SEMA6D: variants seen among roughly 807,000 people sequenced by gnomAD.
SEMA6D encodes the protein semaphorin-6D.
In SEMA6D, 35 loss-of-function variants were observed where a neutral mutation model predicts 106.6. The ratio of observed to expected loss-of-function variants is 0.33; its 90% confidence interval spans 0.25 to 0.44. SEMA6D has a LOEUF of 0.44. Ranked by LOEUF, SEMA6D falls within the 20% of genes least tolerant of loss-of-function variation. The probability of loss-of-function intolerance (pLI) is 1.00; values close to 1 mark genes in which losing one functional copy is unlikely to be tolerated. For missense variants in SEMA6D, 1,185 were observed against 1,345.9 expected, an observed-to-expected ratio of 0.88 and a Z score of 1.87; for synonymous variants, 499 against 487.7, an observed-to-expected ratio of 1.02 and a Z score of -0.31.
intron 1 of SEMA6D, among the ~76,000 whole-genome samples, chr15:47,348,727 C>CCACACACAGAG (rs1555425939): frequency 3.5e-5 from 2 of 57,118 alleles, no homozygotes; most frequent in African/African-American, 4.9e-5. Context: ...ACCACACACA[C>CCACACACAGAG]AGAGAGAGAG....
chr15:47,553,813 TA>T (rs2045837331), intron 3 of SEMA6D, among the ~76,000 whole-genome samples: 1 of 152,178 alleles, frequency 6.6e-6, no homozygotes, highest in African/African-American at 2.4e-5. Context: ...AGCTCTGCTA[TA>T]AAAAGTGGGT....
intron 1 of SEMA6D, among the ~76,000 whole-genome samples, chr15:47,344,508 A>G (rs1188291731): frequency 1.3e-5 from 2 of 152,174 alleles, no homozygotes; most frequent in African/African-American, 4.8e-5. Flanking sequence ...GCCACTATGC[A>G]GGGAGGGAGA....
exon 3 of SEMA6D, chr15:47,470,537 C>G (rs1014482832): frequency 1.3e-5 from 2 of 152,042 alleles, no homozygotes; most frequent in African/African-American, 4.8e-5. Flanking sequence ...AAGCCCAAGA[C>G]TGCTGGAGGT....
At chr15:47,340,485 T>C (rs2144459585) in intron 1 of SEMA6D, among the ~76,000 whole-genome samples, 1 of 152,346 alleles carries the variant, frequency 6.6e-6, no homozygotes, top group Non-Finnish European at 1.5e-5. Context: ...CTACAGTCTG[T>C]TTCCCTTTTC....
At chr15:47,382,521 A>G (rs1481399870) in intron 1 of SEMA6D, among the ~76,000 whole-genome samples, 2 of 152,204 alleles carry the variant, frequency 1.3e-5, no homozygotes, top group African/African-American at 2.4e-5. Flanking sequence ...AGAAAAAAAA[A>G]GGGACCACAA....
chr15:47,259,628 A>G (rs1224875313), intron 1 of SEMA6D, among the ~76,000 whole-genome samples: 1 of 152,072 alleles, frequency 6.6e-6, no homozygotes, highest in Non-Finnish European at 1.5e-5. Context: ...TAGAGTTTTC[A>G]GAAGTTTAAT....
chr15:47,402,945 C>T (rs1040504245), intron 1 of SEMA6D, among the ~76,000 whole-genome samples: 10 of 152,114 alleles, frequency 6.6e-5, no homozygotes, highest in Admixed American at 4.6e-4. Flanking sequence ...GGATCTGAGC[C>T]TGCAGCACTG....
chr15:47,618,544 A>G (rs2077045895), intron 4 of SEMA6D, among the ~76,000 whole-genome samples: 1 of 152,200 alleles, frequency 6.6e-6, no homozygotes, highest in African/African-American at 2.4e-5. Flanking sequence ...TCACTGAATT[A>G]ATTGGGTCAC....
At chr15:47,675,373 C>A (rs1414961024) in intron 4 of SEMA6D, among the ~76,000 whole-genome samples, 1 of 152,042 alleles carries the variant, frequency 6.6e-6, no homozygotes, top group African/African-American at 2.4e-5. Flanking sequence ...CTGGAGTCCT[C>A]GCAAGAAGAG....
intron 4 of SEMA6D, among the ~76,000 whole-genome samples, chr15:47,709,266 C>A (rs1341691109): frequency 2.0e-5 from 3 of 152,076 alleles, no homozygotes; most frequent in African/African-American, 7.2e-5. Flanking sequence ...CAATTACCTC[C>A]CCCATCTGGC....
At chr15:47,438,931 G>C (rs570981241) in intron 2 of SEMA6D, among the ~76,000 whole-genome samples, 1 of 151,898 alleles carries the variant, frequency 6.6e-6, no homozygotes, top group Non-Finnish European at 1.5e-5. Flanking sequence ...AATTTTATAC[G>C]GCGCAATCTC....
chr15:47,707,932 G>C (rs2078944237), intron 4 of SEMA6D, among the ~76,000 whole-genome samples: 1 of 152,070 alleles, frequency 6.6e-6, no homozygotes, highest in Admixed American at 6.6e-5. Context: ...GCCAGACTAA[G>C]AAACTTGGAA....
At chr15:47,395,776 A>G (rs1407626392) in intron 1 of SEMA6D, 1 of 152,254 alleles carries the variant, frequency 6.6e-6, no homozygotes, top group Non-Finnish European at 1.5e-5. Context: ...GTAGGTTCGT[A>G]TACCTAGCAT....
At chr15:47,443,782 A>T (rs1290506569) in intron 2 of SEMA6D, among the ~76,000 whole-genome samples, 1 of 152,130 alleles carries the variant, frequency 6.6e-6, no homozygotes, top group Non-Finnish European at 1.5e-5. Flanking sequence ...GCAACTTCAG[A>T]AGCCCCTTGG....
At chr15:47,430,331 T>G (rs1215061803) in intron 2 of SEMA6D, among the ~76,000 whole-genome samples, 1 of 152,080 alleles carries the variant, frequency 6.6e-6, no homozygotes, top group Non-Finnish European at 1.5e-5. Context: ...CCATTTTTAT[T>G]TGCATGGTTG....
chr15:47,642,746 AAAG>A (rs1314177886), intron 4 of SEMA6D, among the ~76,000 whole-genome samples: 4 of 152,158 alleles, frequency 2.6e-5, no homozygotes, highest in East Asian at 1.9e-4. Context: ...ATGGCTGAGA[AAAG>A]AAGGCCATCT....
intron 1 of SEMA6D, among the ~76,000 whole-genome samples, chr15:47,380,123 A>G (rs902868637): frequency 6.6e-6 from 1 of 152,326 alleles, no homozygotes; most frequent in Middle Eastern, 3.4e-3. Flanking sequence ...TACATCTGCC[A>G]TAGTTTGATT....
intron 1 of SEMA6D, among the ~76,000 whole-genome samples, chr15:47,308,183 T>C (rs2036305239): frequency 6.6e-6 from 1 of 152,218 alleles, no homozygotes; most frequent in Non-Finnish European, 1.5e-5. Flanking sequence ...TGTAGCCTTT[T>C]TTCTCTGGTG....
intron 4 of SEMA6D, among the ~76,000 whole-genome samples, chr15:47,668,003 A>C (rs1359649908): frequency 6.6e-6 from 1 of 152,220 alleles, no homozygotes; most frequent in Non-Finnish European, 1.5e-5. Flanking sequence ...ATGAATATAT[A>C]CTATTATTAC....
Sources: gnomAD v4.1 joint callset for allele counts (sites outside exome capture counted in the v4.1 genomes callset) on GRCh38, gnomAD v4.1.1 for gene constraint, MANE v1.5 for transcripts, NCBI Gene and HGNC (gene_info 2026-07-23, HGNC 2026-07-21) for gene names.